CNTN5: variants seen among roughly 807,000 people sequenced by gnomAD.
CNTN5 encodes the protein contactin-5.
Under a neutral mutation model 129.1 loss-of-function variants are expected in CNTN5, and 77 were observed. The ratio of observed to expected loss-of-function variants is 0.60; its 90% CI spans 0.50 to 0.72. CNTN5 has a LOEUF of 0.72. CNTN5 is among the 30% of genes least tolerant of loss of function. CNTN5 has a pLI of 0.00. For missense variants in CNTN5, 1,478 were observed against 1,328.8 expected, an observed-to-expected ratio of 1.11 and a Z score of -1.75; for synonymous variants, 509 against 465.6, an observed-to-expected ratio of 1.09 and a Z score of -1.20.
intron 6 of CNTN5, among the ~76,000 whole-genome samples, chr11:99,864,524 C>T (rs1006037481): frequency 6.6e-6 from 1 of 152,104 alleles, no homozygotes; most frequent in African/African-American, 2.4e-5. Flanking sequence ...CCCTCGATTC[C>T]ACAAACCCAC....
intron 1 of CNTN5, among the ~76,000 whole-genome samples, chr11:99,124,264 C>T (rs1465177712): frequency 1.3e-5 from 2 of 151,982 alleles, no homozygotes; most frequent in East Asian, 3.9e-4. Flanking sequence ...AGCTATATTC[C>T]TAGGCATTTT....
intron 9 of CNTN5, among the ~76,000 whole-genome samples, chr11:100,040,830 G>A (rs1475369408): frequency 3.3e-5 from 5 of 152,254 alleles, no homozygotes; most frequent in East Asian, 3.9e-4. Flanking sequence ...TTGGAAAAGC[G>A]CAGTTTTAGG....
At chr11:99,262,433 T>C (rs963560201) in intron 1 of CNTN5, among the ~76,000 whole-genome samples, 76 of 152,048 alleles carry the variant, frequency 5.0e-4, no homozygotes, top group African/African-American at 1.8e-3. Flanking sequence ...GAGCATCTTC[T>C]ACGGGAACTT....
chr11:100,337,765 G>A (rs1952064960), intron 21 of CNTN5: 1 of 382,364 alleles, frequency 2.6e-6, no homozygotes, highest in African/African-American at 2.1e-5. Context: ...ACATCCTTTT[G>A]AAACTTACTG....
At chr11:99,797,427 A>T (rs549956233) in intron 3 of CNTN5, among the ~76,000 whole-genome samples, 39 of 152,234 alleles carry the variant, frequency 2.6e-4, no homozygotes, top group South Asian at 6.2e-4. Flanking sequence ...AAGAAGCCAA[A>T]AAACGTTAAG....
chr11:99,930,328 G>T lies in CNTN5; in HGVS notation c.673+14179G>T, dbSNP rs149871211. Among the ~76,000 whole-genome samples, 12 of 152,268 alleles carry T rather than the reference G, an allele frequency of 7.9e-5. No individual in the cohort carries two copies. The East Asian group carries it at 2.3e-3, about 29-fold the overall frequency. ...TGCATCCCTGAACATGTCCCAAGAG[G>T]AAGATCAAATTCCACCATTTTGACC... On this transcript the variant is annotated intron_variant, in intron 7 of 24. Transcript: ENST00000524871.
intron 2 of CNTN5, among the ~76,000 whole-genome samples, chr11:99,533,566 G>A (rs1385569975): frequency 6.6e-6 from 1 of 152,226 alleles, no homozygotes; most frequent in Non-Finnish European, 1.5e-5. Flanking sequence ...GGCTTCAGTA[G>A]GGAGAAGGCT....
chr11:99,255,903 A>G (rs1047628383), intron 1 of CNTN5, among the ~76,000 whole-genome samples: 7 of 151,958 alleles, frequency 4.6e-5, no homozygotes, highest in Non-Finnish European at 8.8e-5. Context: ...TATACTTGAT[A>G]TAGTTCAGCA....
intron 3 of CNTN5, among the ~76,000 whole-genome samples, chr11:99,685,467 C>T (rs2134743497): frequency 6.6e-6 from 1 of 151,948 alleles, no homozygotes; most frequent in South Asian, 2.1e-4. Context: ...AAAAAATATT[C>T]CACTGTTGTT....
At chr11:100,197,591 C>T (rs1000080649) in intron 15 of CNTN5, among the ~76,000 whole-genome samples, 2 of 151,960 alleles carry the variant, frequency 1.3e-5, no homozygotes, top group Admixed American at 1.3e-4. Context: ...ATCTGAATAG[C>T]ATCTGAGCTA....
intron 1 of CNTN5, among the ~76,000 whole-genome samples, chr11:99,322,877 C>T (rs1865627478): frequency 3.3e-5 from 5 of 152,106 alleles, no homozygotes; most frequent in Admixed American, 2.6e-4. Context: ...AAGTAAAATT[C>T]ATGTTAGATT....
intron 18 of CNTN5, among the ~76,000 whole-genome samples, chr11:100,271,797 T>C (rs1950412863): frequency 6.6e-6 from 1 of 152,218 alleles, no homozygotes; most frequent in Admixed American, 6.5e-5. Context: ...TCTCAGCTTT[T>C]AGAAAAAGCA....
chr11:99,845,321 A>T, intron 6 of CNTN5, 59 bp downstream of exon 6: 7 of 510,536 alleles, frequency 1.4e-5, no homozygotes, highest in South Asian at 5.1e-5. Context: ...TACAGTATGG[A>T]TTTTTAAAAT....
intron 2 of CNTN5, among the ~76,000 whole-genome samples, chr11:99,343,768 C>G (rs1866628854): frequency 1.3e-5 from 2 of 151,988 alleles, no homozygotes; most frequent in African/African-American, 4.8e-5. Context: ...CACATTTCGA[C>G]CTACAAAAAC....
At position 100,316,173 on chromosome 11, in the gene CNTN5, G is replaced by A. The variant is rs369621750; in HGVS notation, c.2730+7705G>A. Reference sequence around the variant, plus strand: ...AAGATGCCAGTCTGGCAAGAAGGGAGGGTAAAGGATAAGGCCAAATTTCAT... The same window carrying A: ...AAGATGCCAGTCTGGCAAGAAGGGAAGGTAAAGGATAAGGCCAAATTTCAT... On this transcript the variant is annotated intron_variant, in intron 21 of 24. Coordinates refer to ENST00000524871, the MANE Select transcript of CNTN5 (RefSeq NM_014361.4). 4.6e-5 allele frequency among the ~76,000 whole-genome samples: 7 copies of A among 152,188 alleles called. 1 individual carries two copies. The highest frequency in any genetic ancestry group is 3.9e-4 in the Admixed American group (6 of 15,278).
At position 99,131,468 on chromosome 11, in the gene CNTN5, C is replaced by A. The variant is rs1043804536; in HGVS notation, c.-210+110198C>A. Among the ~76,000 whole-genome samples the A allele has an allele frequency of 2.0e-5, 3 of 151,800 alleles. No homozygotes were observed. In the East Asian group the frequency reaches 5.8e-4, roughly 30 times the overall value. On this transcript the variant is annotated intron_variant, in intron 1 of 24. Transcript: ENST00000524871. ...CTTCAAAAATTAACAAATACCGGAA[C>A]TGGTTTTTTGAAAAAATCAATAAAA... is the stretch of plus-strand genomic sequence containing the variant.
chr11:100,080,610 T>G (rs2137926252), intron 13 of CNTN5, among the ~76,000 whole-genome samples: 2 of 152,262 alleles, frequency 1.3e-5, no homozygotes, highest in African/African-American at 4.8e-5. Context: ...GGAAGAAGAA[T>G]TCATGGGTAT....
At chr11:99,438,911 T>C (rs1226220685) in intron 2 of CNTN5, among the ~76,000 whole-genome samples, 1 of 152,176 alleles carries the variant, frequency 6.6e-6, no homozygotes, top group Non-Finnish European at 1.5e-5. Flanking sequence ...AGTGTGCAAG[T>C]CTTCGATGAT....
At chr11:99,974,619 C>A (rs1453573) in intron 8 of CNTN5, among the ~76,000 whole-genome samples, 1 of 152,178 alleles carries the variant, frequency 6.6e-6, no homozygotes, top group Non-Finnish European at 1.5e-5. Context: ...ACTAGGAAGA[C>A]TATATGGAGC....
Sources: gnomAD v4.1 joint callset for allele counts (sites outside exome capture counted in the v4.1 genomes callset) on GRCh38, gnomAD v4.1.1 for gene constraint, MANE v1.5 for transcripts, NCBI Gene and HGNC (gene_info 2026-07-23, HGNC 2026-07-21) for gene names.